Variants in CFHR4 observed in about 807,000 individuals in gnomAD.
CFHR4 encodes complement factor H-related protein 4.
In CFHR4, 64 loss-of-function variants were observed where a neutral mutation model predicts 69.3. The observed-to-expected ratio is 0.92, with a 90% CI of 0.76 to 1.14. The LOEUF is 1.14. Ranked by LOEUF, CFHR4 falls within the 50% of genes most tolerant of loss-of-function variation. CFHR4 has a pLI of 0.00. For missense variants in CFHR4, 636 were observed against 684.9 expected (o/e 0.93, Z 0.80); for synonymous variants, 244 against 237.0 (o/e 1.03, Z -0.27).
rs112489050 is a variant in CFHR4 at position 196,917,658 on chromosome 1, GTGTATGTA to G, written c.1541-530_1541-523del. ...AGAGAGATAATTGACAGATATTGAG[GTGTATGTA>G]TGTATGTATGTATGTATGTATATAT... On this transcript the variant is annotated intron_variant, in intron 9 of 9. Coordinates refer to ENST00000608469, the MANE Select transcript of CFHR4 (RefSeq NM_001201550.3). Among the ~76,000 whole-genome samples the G allele has an allele frequency of 2.6e-4, 39 of 150,622 alleles. 1 individual carries two copies. The highest frequency in any genetic ancestry group is 6.9e-4 in the African/African-American group (28 of 40,708).
intron 9 of CFHR4, among the ~76,000 whole-genome samples, chr1:196,917,121 AATTT>A (rs940781139): frequency 9.2e-5 from 14 of 151,738 alleles, no homozygotes; most frequent in Non-Finnish European, 1.8e-4. Context: ...TATGTTAAGA[AATTT>A]ATTTAAGTAA....
chr1:196,903,991 A>C (rs982283467), intron 2 of CFHR4, among the ~76,000 whole-genome samples: 1 of 151,494 alleles, frequency 6.6e-6, no homozygotes, highest in African/African-American at 2.4e-5. Flanking sequence ...TATTGTTTGC[A>C]ATTTACAAAA....
intron 1 of CFHR4, among the ~76,000 whole-genome samples, chr1:196,897,921 A>G (rs1389892899): frequency 6.6e-6 from 1 of 151,366 alleles, no homozygotes; most frequent in Non-Finnish European, 1.5e-5. Context: ...TTCCGTATCA[A>G]AGACTCTCAC....
intron 1 of CFHR4, among the ~76,000 whole-genome samples, chr1:196,893,831 A>G (rs1003171361): frequency 5.3e-5 from 8 of 151,674 alleles, no homozygotes; most frequent in African/African-American, 1.9e-4. Flanking sequence ...CAGTAGCTTA[A>G]TAAACCAAAG....
intron 2 of CFHR4, 112 bp downstream of exon 2, chr1:196,902,727 T>A: frequency 1.2e-6 from 1 of 812,172 alleles, no homozygotes; most frequent in East Asian, 2.6e-5. Flanking sequence ...AAGGAAGAGT[T>A]GTTCAAGCAA....
intron 1 of CFHR4, among the ~76,000 whole-genome samples, chr1:196,892,351 A>C (rs557767537): frequency 6.6e-6 from 1 of 151,576 alleles, no homozygotes; most frequent in African/African-American, 2.4e-5. Flanking sequence ...CTGTAATCCC[A>C]GAAGAAAATG....
chr1:196,909,456 T>C (rs1658116869), intron 5 of CFHR4, among the ~76,000 whole-genome samples: 1 of 151,614 alleles, frequency 6.6e-6, no homozygotes, highest in African/African-American at 2.4e-5. Flanking sequence ...TATGTAGTGC[T>C]CAAATAATAT....
At chr1:196,891,418 A>G (rs1430732234) in intron 1 of CFHR4, among the ~76,000 whole-genome samples, 1 of 151,396 alleles carries the variant, frequency 6.6e-6, no homozygotes, top group African/African-American at 2.4e-5. Flanking sequence ...AAAACTGTGC[A>G]TCCGTGCTTG....
At chr1:196,889,970 A>T (rs1347617790) in intron 1 of CFHR4, among the ~76,000 whole-genome samples, 1 of 151,560 alleles carries the variant, frequency 6.6e-6, no homozygotes, top group African/African-American at 2.4e-5. Context: ...TGACAGCCAC[A>T]TCTCAAAGTA....
chr1:196,888,268 C>A, intron 1 of CFHR4, 60 bp downstream of exon 1: 1 of 1,518,038 alleles, frequency 6.6e-7, no homozygotes, highest in Non-Finnish European at 9.1e-7. Flanking sequence ...CGTGTAATAT[C>A]TAACTTCATA....
Position 196,918,316 on chromosome 1 carries a change from G to C in CFHR4, c.1647G>C (p.Met549Ile), listed in dbSNP as rs1658777434. Residue 549 changes from methionine to isoleucine, a missense_variant, in exon 10 of 10, where the codon ATG (methionine) becomes ATC (isoleucine). Transcript: ENST00000608469. The part of the protein sequence containing the change: ...YAKTGDTIEF[M>I]CKLGYNANTS... The stretch of plus-strand genomic sequence containing the variant: ...AAACAGGGGATACCATTGAATTTAT[G>C]TGTAAATTGGGATATAATGCGAATA... The C allele has an allele frequency of 1.9e-6, 3 of 1,610,698 alleles. No homozygotes were observed. The highest frequency in any genetic ancestry group is 2.5e-6 in the Non-Finnish European group (3 of 1,178,038).
At chr1:196,901,757 ATAT>A (rs1337943229) in intron 1 of CFHR4, among the ~76,000 whole-genome samples, 1 of 151,452 alleles carries the variant, frequency 6.6e-6, no homozygotes, top group Non-Finnish European at 1.5e-5. Context: ...ACTGTAAAAA[ATAT>A]TGTATATAAA....
At position 196,888,954 on chromosome 1, in the gene CFHR4, T is replaced by C. The variant is rs1048970260; in HGVS notation, c.58+746T>C. 2.0e-5 allele frequency among the ~76,000 whole-genome samples: 3 copies of C among 150,256 alleles called. 1 individual carries two copies. Among genetic ancestry groups the C allele is most frequent in the Admixed American group, 1.3e-4 (2 of 15,038 alleles). On this transcript the variant is annotated intron_variant, in intron 1 of 9. Transcript: ENST00000608469. ...ATGTATTTTCTATATTAACTATCTC[T>C]TTGAATGCAGGCCTTGCATATTAAA...
chr1:196,916,628 AT>A (rs1658649281), intron 9 of CFHR4, among the ~76,000 whole-genome samples: 2 of 151,940 alleles, frequency 1.3e-5, no homozygotes, highest in South Asian at 4.1e-4. Context: ...GTATCCTCAA[AT>A]CAAAATAGTT....
At chr1:196,907,109 CATATGTGTAT>C (rs1164329813) in intron 4 of CFHR4, 72 bp downstream of exon 4, 1 of 1,387,738 alleles carries the variant, frequency 7.2e-7, no homozygotes, top group Non-Finnish European at 1.0e-6. Context: ...TATATGTACA[CATATGTGTAT>C]GAATACATAT....
At chr1:196,906,636 C>A (rs1657919544) in intron 3 of CFHR4, among the ~76,000 whole-genome samples, 1 of 151,120 alleles carries the variant, frequency 6.6e-6, no homozygotes, top group Admixed American at 6.6e-5. Flanking sequence ...ATATGTTTTT[C>A]ATAGGGTTTG....
chr1:196,913,024 A>C, intron 7 of CFHR4, 102 bp downstream of exon 7: 2 of 1,577,422 alleles, frequency 1.3e-6, no homozygotes, highest in Non-Finnish European at 1.7e-6. Flanking sequence ...TTTAGGAGTA[A>C]AGAGATACAA....
At chr1:196,900,317 A>ATTTTTTTTTTT (rs36051521) in intron 1 of CFHR4, among the ~76,000 whole-genome samples, 1 of 134,030 alleles carries the variant, frequency 7.5e-6, no homozygotes, top group Non-Finnish European at 1.6e-5. Flanking sequence ...CATAGGTGGA[A>ATTTTTTTTTTT]TTTTTTTTTT....
intron 1 of CFHR4, 74 bp downstream of exon 1, chr1:196,888,282 C>A: frequency 1.4e-6 from 2 of 1,451,828 alleles, no homozygotes; most frequent in Non-Finnish European, 1.9e-6. Flanking sequence ...CTTCATATGT[C>A]TATAATTTTT....
Sources: gnomAD v4.1 joint callset for allele counts (sites outside exome capture counted in the v4.1 genomes callset) on GRCh38, gnomAD v4.1.1 for gene constraint, MANE v1.5 for transcripts, NCBI Gene and HGNC (gene_info 2026-07-23, HGNC 2026-07-21) for gene names.